The following PRDM16 variants were observed in gnomAD, a reference collection of about 807,000 sequenced individuals.
PRDM16 encodes PR/SET domain 16.
A neutral mutation model predicts 110.6 loss-of-function variants in PRDM16; 23 were observed. The ratio of observed to expected loss-of-function variants is 0.21; its 90% confidence interval spans 0.15 to 0.29. The LOEUF is 0.29. PRDM16 is among the 10% of genes least tolerant of loss of function. The probability of loss-of-function intolerance (pLI) is 1.00; values close to 1 mark genes in which losing one functional copy is unlikely to be tolerated. For missense variants in PRDM16, 1,615 were observed against 1,794.3 expected (o/e 0.90, Z 1.81); for synonymous variants, 799 against 781.8 (o/e 1.02, Z -0.37).
chr1:3,243,998 C>T lies in PRDM16; in HGVS notation c.388-89C>T. 7.5e-7 allele frequency: 1 copy of T among 1,341,622 alleles called. No individual in the cohort carries two copies. The allele number at this position is 1,341,622 out of a possible 1,614,324, so 83.1% of individuals were successfully genotyped here. On this transcript the variant is annotated intron_variant, in intron 2 of 16. Coordinates refer to ENST00000270722, the MANE Select transcript of PRDM16 (RefSeq NM_022114.4). The surrounding 1 kb of genome is among the most constrained non-coding windows in gnomAD (Gnocchi z 5.5). ...GGTCCCACCCTGTGACTTTTGGGGA[C>T]AGTGGTTCTGCCCCCACCATTTAGA...
At chr1:3,232,432 T>C (rs922607522) in intron 2 of PRDM16, among the ~76,000 whole-genome samples, 1 of 152,254 alleles carries the variant, frequency 6.6e-6, no homozygotes, top group Non-Finnish European at 1.5e-5. Flanking sequence ...GTGACACCTT[T>C]GGCAGAGCTA....
intron 1 of PRDM16, among the ~76,000 whole-genome samples, chr1:3,136,986 G>A (rs1643451674): frequency 1.3e-5 from 2 of 152,186 alleles, no homozygotes; most frequent in South Asian, 4.1e-4. Context: ...GAGAGGGCTT[G>A]GCCCTGGGGT....
At chr1:3,320,378 ATG>A (rs1641712960) in intron 3 of PRDM16, among the ~76,000 whole-genome samples, 1 of 152,136 alleles carries the variant, frequency 6.6e-6, no homozygotes, top group African/African-American at 2.4e-5. Context: ...ATGCAGGTGT[ATG>A]TGAGTGAGAA....
chr1:3,262,624 G>T (rs1640187358), intron 3 of PRDM16, among the ~76,000 whole-genome samples: 1 of 152,252 alleles, frequency 6.6e-6, no homozygotes, highest in South Asian at 2.1e-4. Context: ...CTTGCTGAGG[G>T]GTTTTGGGGA....
chr1:3,119,956 G>T (rs148962477), intron 1 of PRDM16, among the ~76,000 whole-genome samples: 236 of 142,134 alleles, frequency 1.7e-3, no homozygotes, highest in African/African-American at 5.4e-3. Flanking sequence ...TTTCTTGGAG[G>T]GGGGAGAGAG....
chr1:3,227,057 C>T (rs986108315), intron 2 of PRDM16, among the ~76,000 whole-genome samples: 3 of 152,248 alleles, frequency 2.0e-5, no homozygotes, highest in African/African-American at 7.2e-5. Context: ...TAACTGTCAG[C>T]AATGAATAAT....
chr1:3,215,559 A>G (rs190989549), intron 2 of PRDM16, among the ~76,000 whole-genome samples: 2 of 152,064 alleles, frequency 1.3e-5, no homozygotes, highest in African/African-American at 4.8e-5. Flanking sequence ...ACCTGGCTGC[A>G]GCCCCACCCT....
At chr1:3,346,831 G>C (rs1357918391) in intron 3 of PRDM16, among the ~76,000 whole-genome samples, 1 of 152,214 alleles carries the variant, frequency 6.6e-6, no homozygotes, top group Non-Finnish European at 1.5e-5. Flanking sequence ...CGGCTGAACA[G>C]ACGGAATGAG....
chr1:3,219,933 G>C (rs1024922711), intron 2 of PRDM16, among the ~76,000 whole-genome samples: 1 of 152,214 alleles, frequency 6.6e-6, no homozygotes, highest in Non-Finnish European at 1.5e-5. Flanking sequence ...ACCCAGACCG[G>C]CGGAGTCTCC....
At chr1:3,351,628 C>A (rs1557627005) in intron 3 of PRDM16, among the ~76,000 whole-genome samples, 1 of 43,326 alleles carries the variant, frequency 2.3e-5, no homozygotes, top group Non-Finnish European at 5.7e-5. Flanking sequence ...CCCTCTCTCC[C>A]CCTCCCTCTC....
intron 2 of PRDM16, among the ~76,000 whole-genome samples, chr1:3,222,262 A>T (rs1041233142): frequency 1.7e-5 from 2 of 114,494 alleles, no homozygotes; most frequent in Admixed American, 1.2e-4. Context: ...GGAGCTGGTG[A>T]CGACAGATGT....
intron 2 of PRDM16, among the ~76,000 whole-genome samples, chr1:3,228,681 G>A (rs758425591): frequency 3.3e-5 from 5 of 152,162 alleles, no homozygotes; most frequent in Non-Finnish European, 7.4e-5. Flanking sequence ...ATGAGCTGGG[G>A]GCTCCTCGCC....
intron 1 of PRDM16, among the ~76,000 whole-genome samples, chr1:3,181,017 AATGCGGTCTTAC>A (rs1557507593): frequency 3.1e-4 from 29 of 93,216 alleles, no homozygotes; most frequent in South Asian, 2.1e-3. Context: ...CGGTCTTACA[AATGCGGTCTTAC>A]ACGCGGTCTT....
chr1:3,411,952 C>G lies in PRDM16; in HGVS notation c.1755C>G (p.Asp585Glu), dbSNP rs1471230869. 3 of 1,613,744 alleles carry G rather than the reference C, an allele frequency of 1.9e-6. No homozygotes were observed. The Admixed American group carries it at 5.0e-5, about 27-fold the overall frequency. Residue 585 changes from aspartate to glutamate, a missense_variant, in exon 9 of 17, where the codon GAC (aspartate) becomes GAG (glutamate). Asp to Glu is a conservative substitution (Grantham distance 45, BLOSUM62 2). This residue lies in a region of PRDM16 where 772 missense variants were observed against 748.3 expected (regional missense o/e 1.03). Transcript: ENST00000270722. ...AGAAGTTCGAGAGCCGCCTGGAGGACTCCTGTGTGGAGAAGCTGAAGACCA... is the reference window on the plus strand; with the variant it reads ...AGAAGTTCGAGAGCCGCCTGGAGGAGTCCTGTGTGGAGAAGCTGAAGACCA... Reference protein sequence around the residue: ...PEEKFESRLEDSCVEKLKTRS... With the variant: ...PEEKFESRLEESCVEKLKTRS...
chr1:3,413,014 G>A (rs1361224647), intron 9 of PRDM16, among the ~76,000 whole-genome samples: 1 of 152,156 alleles, frequency 6.6e-6, no homozygotes, highest in East Asian at 1.9e-4. Context: ...CCTGGCCCGG[G>A]CCGTGTTTGG....
intron 1 of PRDM16, among the ~76,000 whole-genome samples, chr1:3,126,639 A>G (rs1388315694): frequency 1.3e-5 from 2 of 152,084 alleles, no homozygotes; most frequent in Non-Finnish European, 2.9e-5. Context: ...CTGGACCAGG[A>G]GCCTCCAGCC....
intron 4 of PRDM16, among the ~76,000 whole-genome samples, chr1:3,391,887 G>A (rs796968860): frequency 7.2e-5 from 11 of 152,244 alleles, no homozygotes; most frequent in East Asian, 1.9e-4. Context: ...AAACCCCAGC[G>A]CTGCAAATCG....
intron 4 of PRDM16, among the ~76,000 whole-genome samples, chr1:3,385,585 G>A (rs539993259): frequency 4.6e-5 from 7 of 152,332 alleles, no homozygotes; most frequent in Admixed American, 1.3e-4. Context: ...AGGCAGGACC[G>A]CGGATCACAG....
At chr1:3,342,129 T>C (rs1642285366) in intron 3 of PRDM16, among the ~76,000 whole-genome samples, 1 of 152,152 alleles carries the variant, frequency 6.6e-6, no homozygotes, top group African/African-American at 2.4e-5. Context: ...GAGGGGAGCC[T>C]CGTGCCGGCG....
Sources: gnomAD v4.1 joint callset for allele counts (sites outside exome capture counted in the v4.1 genomes callset) on GRCh38, gnomAD v4.1.1 for gene constraint, gnomAD v4.1.1 regional missense constraint, Gnocchi (gnomAD v3.1) non-coding constraint, MANE v1.5 for transcripts, NCBI Gene and HGNC (gene_info 2026-07-23, HGNC 2026-07-21) for gene names.